PTPRN2: variants seen among roughly 807,000 people sequenced by gnomAD.
PTPRN2 encodes receptor-type tyrosine-protein phosphatase N2.
PTPRN2 carries 74 observed loss-of-function variants against 118.8 expected under a neutral mutation model. That is an observed-to-expected ratio of 0.62 (90% CI 0.52 to 0.76). PTPRN2 has a LOEUF of 0.76. PTPRN2 is among the 30% of genes least tolerant of loss of function. The pLI is 0.00. For synonymous variants in PTPRN2, 641 were observed against 608.0 expected, an observed-to-expected ratio of 1.05 and a Z score of -0.80; for missense variants, 1,481 against 1,394.4, an observed-to-expected ratio of 1.06 and a Z score of -0.99.
chr7:158,146,716 G>A (rs1367444911), intron 6 of PTPRN2, among the ~76,000 whole-genome samples: 7 of 137,724 alleles, frequency 5.1e-5, no homozygotes, highest in East Asian at 2.0e-4. Context: ...GCGAGACTCT[G>A]CCTCAAAAAA....
At chr7:158,440,706 G>A (rs1816942811) in intron 2 of PTPRN2, among the ~76,000 whole-genome samples, 1 of 149,872 alleles carries the variant, frequency 6.7e-6, no homozygotes, top group Non-Finnish European at 1.5e-5. Flanking sequence ...GATAGGGGTG[G>A]ATAGTAGTGG....
intron 3 of PTPRN2, among the ~76,000 whole-genome samples, chr7:158,241,291 G>A (rs942760711): frequency 5.3e-5 from 8 of 152,138 alleles, no homozygotes; most frequent in Admixed American, 2.0e-4. Flanking sequence ...CAAGGGGGAG[G>A]ATCACCTGAG....
At chr7:157,969,908 A>G (rs1319484519) in intron 11 of PTPRN2, among the ~76,000 whole-genome samples, 3 of 152,198 alleles carry the variant, frequency 2.0e-5, no homozygotes, top group African/African-American at 7.2e-5. Context: ...GAAATAAGTG[A>G]GTAGCAAAAA....
At chr7:158,440,892 G>GCA (rs1184037407) in intron 2 of PTPRN2, among the ~76,000 whole-genome samples, 13 of 119,902 alleles carry the variant, frequency 1.1e-4, no homozygotes, top group Middle Eastern at 4.1e-3. Flanking sequence ...TGGTGAAGGT[G>GCA]GTGGTGGTGA....
chr7:157,597,302 G>A (rs368206179), intron 16 of PTPRN2, among the ~76,000 whole-genome samples: 2 of 152,286 alleles, frequency 1.3e-5, no homozygotes, highest in East Asian at 1.9e-4. Context: ...TTATGTTACC[G>A]TCGCTGAAAG....
At position 158,370,613 on chromosome 7, in the gene PTPRN2, G is replaced by A. The variant is rs60122595; in HGVS notation, c.164-53681C>T. 2.1e-3 allele frequency among the ~76,000 whole-genome samples: 325 copies of A among 152,132 alleles called. 2 individuals are homozygous for A. The highest frequency in any genetic ancestry group is 7.5e-3 in the African/African-American group (310 of 41,490). The stretch of plus-strand genomic sequence containing the variant: ...TAAAAATACAATAAATTAGCTGGGC[G>A]TGGTGGTGGGCACCTGTAGTCCCAG... On this transcript the variant is annotated intron_variant, in intron 2 of 22. Transcript: ENST00000389418.
chr7:158,523,709 G>A (rs375717546), intron 1 of PTPRN2, among the ~76,000 whole-genome samples: 391 of 99,530 alleles, frequency 3.9e-3, no homozygotes, highest in Admixed American at 5.2e-3. Context: ...GGAGTCGTCT[G>A]CCCTGGAGTG....
intron 2 of PTPRN2, among the ~76,000 whole-genome samples, chr7:158,328,524 G>A (rs534683911): frequency 5.3e-5 from 8 of 152,346 alleles, no homozygotes; most frequent in African/African-American, 9.6e-5. Flanking sequence ...GCAGAGCAGC[G>A]TGAGGCTCTG....
At chr7:158,009,713 A>T (rs1465733) in intron 11 of PTPRN2, among the ~76,000 whole-genome samples, 2 of 151,754 alleles carry the variant, frequency 1.3e-5, no homozygotes, top group African/African-American at 4.8e-5. Flanking sequence ...CTGCCTGGGC[A>T]CAGCTCTTTC....
chr7:157,707,543 G>A (rs1016411799), intron 12 of PTPRN2, among the ~76,000 whole-genome samples: 28 of 152,236 alleles, frequency 1.8e-4, no homozygotes, highest in African/African-American at 6.0e-4. Flanking sequence ...GATCAGTCTC[G>A]GCAGGTATTA....
At chr7:157,543,878 T>G (rs1325635509) in intron 22 of PTPRN2, among the ~76,000 whole-genome samples, 1 of 152,108 alleles carries the variant, frequency 6.6e-6, no homozygotes, top group African/African-American at 2.4e-5. Context: ...ACCGTGAGAG[T>G]TGAGCCCTGC....
intron 2 of PTPRN2, among the ~76,000 whole-genome samples, chr7:158,317,697 C>T (rs546439117): frequency 3.3e-5 from 5 of 152,320 alleles, no homozygotes; most frequent in South Asian, 4.2e-4. Context: ...CCACACAGGG[C>T]GGCCATCTGC....
intron 2 of PTPRN2, among the ~76,000 whole-genome samples, chr7:158,378,779 C>A (rs942628888): frequency 3.3e-5 from 5 of 152,166 alleles, no homozygotes; most frequent in African/African-American, 1.2e-4. Flanking sequence ...TTAATCAATA[C>A]ATTGAAGATA....
intron 2 of PTPRN2, among the ~76,000 whole-genome samples, chr7:158,461,808 A>G (rs1485004543): frequency 6.6e-6 from 1 of 152,248 alleles, no homozygotes; most frequent in Non-Finnish European, 1.5e-5. Context: ...ATAAAGCTGT[A>G]ACAAACGTGC....
chr7:157,975,155 C>A (rs1341493909), intron 11 of PTPRN2, among the ~76,000 whole-genome samples: 1 of 152,106 alleles, frequency 6.6e-6, no homozygotes, highest in East Asian at 1.9e-4. Context: ...CTTTCTGGGG[C>A]CCCCCAGTTC....
chr7:158,154,845 C>G (rs1030048765), intron 6 of PTPRN2, among the ~76,000 whole-genome samples: 2 of 152,166 alleles, frequency 1.3e-5, no homozygotes, highest in Non-Finnish European at 2.9e-5. Context: ...CCCATGTAAC[C>G]TCTACAAACC....
intron 13 of PTPRN2, among the ~76,000 whole-genome samples, chr7:157,662,687 A>G (rs1410950572): frequency 6.6e-6 from 1 of 152,086 alleles, no homozygotes; most frequent in Non-Finnish European, 1.5e-5. Flanking sequence ...GCGAGGAAGG[A>G]GGAGGAGGAG....
intron 11 of PTPRN2, among the ~76,000 whole-genome samples, chr7:157,933,226 CTGAT>C (rs1281017562): frequency 7.8e-6 from 1 of 127,476 alleles, no homozygotes. Context: ...GTGAGTCACT[CTGAT>C]TGACAGTTTT....
intron 8 of PTPRN2, among the ~76,000 whole-genome samples, chr7:158,136,146 C>G (rs558924228): frequency 6.6e-6 from 1 of 152,236 alleles, no homozygotes; most frequent in Non-Finnish European, 1.5e-5. Context: ...GAGCCACATG[C>G]GACTAACGTG....
Sources: gnomAD v4.1 joint callset for allele counts (sites outside exome capture counted in the v4.1 genomes callset) on GRCh38, gnomAD v4.1.1 for gene constraint, MANE v1.5 for transcripts, NCBI Gene and HGNC (gene_info 2026-07-23, HGNC 2026-07-21) for gene names.